The following ACACB variants were observed in gnomAD, a reference collection of about 807,000 sequenced individuals.
ACACB encodes the protein acetyl-CoA carboxylase 2.
A neutral mutation model predicts 278.8 loss-of-function variants in ACACB; 209 were observed. The observed-to-expected ratio is 0.75, with a 90% confidence interval of 0.67 to 0.84. The LOEUF (loss-of-function observed/expected upper bound fraction) is 0.84. ACACB is among the 40% of genes least tolerant of loss of function. The pLI is 0.00. For missense variants in ACACB, 2,850 were observed against 3,269.0 expected (o/e 0.87, Z 3.13); for synonymous variants, 1,174 against 1,285.6 (o/e 0.91, Z 1.86).
chr12:109,206,428 CAAA>C (rs35315851), intron 19 of ACACB, among the ~76,000 whole-genome samples: 2 of 89,774 alleles, frequency 2.2e-5, no homozygotes, highest in African/African-American at 1.0e-4. Flanking sequence ...GCGAGTGTCT[CAAA>C]AAAAAAAAAA....
chr12:109,190,093 A>G (rs2044812539), intron 13 of ACACB, among the ~76,000 whole-genome samples: 2 of 152,134 alleles, frequency 1.3e-5, no homozygotes, highest in South Asian at 4.1e-4. Context: ...CCTGGGCAAC[A>G]AGAGTGAAGC....
chr12:109,211,825 A>G (rs1330764458), intron 21 of ACACB, among the ~76,000 whole-genome samples: 1 of 152,248 alleles, frequency 6.6e-6, no homozygotes, highest in East Asian at 1.9e-4. Flanking sequence ...CTAAAAAATA[A>G]CAAAAGCCAA....
At chr12:109,173,022 A>G (rs1365415989) in intron 6 of ACACB, among the ~76,000 whole-genome samples, 4 of 152,206 alleles carry the variant, frequency 2.6e-5, no homozygotes, top group Non-Finnish European at 5.9e-5. Context: ...TTGTGGGAAC[A>G]TGGATGGAGC....
intron 1 of ACACB, among the ~76,000 whole-genome samples, chr12:109,119,874 G>A (rs1318743345): frequency 2.0e-5 from 3 of 151,832 alleles, no homozygotes; most frequent in Non-Finnish European, 2.9e-5. Context: ...TAGCCTGGGC[G>A]ACAGAGCGAG....
At chr12:109,124,017 G>T (rs1565842124) in intron 1 of ACACB, among the ~76,000 whole-genome samples, 1 of 151,888 alleles carries the variant, frequency 6.6e-6, no homozygotes, top group Non-Finnish European at 1.5e-5. Flanking sequence ...AATTCTCACA[G>T]CTAGATGTCA....
rs758673805 is a variant in ACACB, at chr12:109,245,653, G to C, written c.5206G>C (p.Asp1736His). 6.2e-7 allele frequency: 1 copy of C among 1,613,984 alleles called. No individual in the cohort carries two copies. Among genetic ancestry groups the C allele is most frequent in the Non-Finnish European group, 8.5e-7 (1 of 1,180,000 alleles). Residue 1736 changes from aspartate to histidine, a missense_variant, in exon 38 of 53, where the codon GAC (aspartate) becomes CAC (histidine). By Grantham distance (81) the Asp-to-His change is moderately conservative (BLOSUM62 -1). Around this residue, in one of 3 missense-constraint regions of ACACB, gnomAD observed 2,265 missense variants for 2,561.3 expected, o/e 0.88. Coordinates refer to ENST00000338432, the MANE Select transcript of ACACB (RefSeq NM_001093.4). ...QALFKLWGSP[D>H]KYPKDILTYT... ...TCTCTTTAAACTGTGGGGCTCCCCA[G>C]ACAAGTATCCCAAAGACATCCTGAC...
At chr12:109,196,970 C>A (rs777914287) in intron 16 of ACACB, 38 bp from the exon 17 acceptor site, 1 of 1,515,052 alleles carries the variant, frequency 6.6e-7, no homozygotes, top group Non-Finnish European at 8.8e-7. Flanking sequence ...GGGAGCACAT[C>A]CTGAACCCAG....
intron 1 of ACACB, among the ~76,000 whole-genome samples, chr12:109,136,388 C>T (rs2136005727): frequency 6.6e-6 from 1 of 152,194 alleles, no homozygotes; most frequent in East Asian, 1.9e-4. Flanking sequence ...AACAATAAGT[C>T]TTCCAATCCA....
chr12:109,171,592 T>C, intron 4 of ACACB, among the ~76,000 whole-genome samples: 1 of 150,844 alleles, frequency 6.6e-6, no homozygotes, highest in East Asian at 2.0e-4. Flanking sequence ...TCAGGCCATC[T>C]GCCTGCCTCG....
chr12:109,265,289 G>A lies in ACACB; in HGVS notation c.7113+9G>A. On this transcript the variant is annotated intron_variant, in intron 51 of 52. Transcript: ENST00000338432. Reference sequence around the variant, plus strand: ...CGGAGGGGGCTGTCAAGGTGGGCCTGGGGTGAGAACGAGGCCGGTGAGCAC... The same window carrying A: ...CGGAGGGGGCTGTCAAGGTGGGCCTAGGGTGAGAACGAGGCCGGTGAGCAC... 1 of 1,612,472 alleles carries A rather than the reference G, an allele frequency of 6.2e-7. No homozygotes were observed. Among genetic ancestry groups the A allele is most frequent in the Non-Finnish European group, 8.5e-7 (1 of 1,179,782 alleles).
At chr12:109,263,560 G>C (rs1429657435) in intron 49 of ACACB, 1 of 152,208 alleles carries the variant, frequency 6.6e-6, no homozygotes, top group Non-Finnish European at 1.5e-5. Context: ...GTGTGTGCGT[G>C]TAATTTCTTT....
chr12:109,247,711 A>G lies in ACACB; in HGVS notation c.5669+8A>G. ...GGAAGGAGGAGAGTCCAGGTAAATA[A>G]CTTATCAGGTAGCTCCTTAATTTTG... On this transcript the variant is annotated splice_region_variant and intron_variant, in intron 40 of 52. Coordinates refer to ENST00000338432, the MANE Select transcript of ACACB (RefSeq NM_001093.4). 1 of 1,603,818 alleles carries G rather than the reference A, an allele frequency of 6.2e-7. No homozygotes were observed. Among genetic ancestry groups the G allele is most frequent in the South Asian group, 1.1e-5 (1 of 90,546 alleles).
chr12:109,222,379 G>A (rs1316062383), intron 24 of ACACB, 128 bp from the exon 25 acceptor site: 1 of 768,226 alleles, frequency 1.3e-6, no homozygotes, highest in African/African-American at 1.7e-5. Flanking sequence ...AACAGGCTGT[G>A]CTGGGCCTGT....
chr12:109,188,307 T>C, intron 13 of ACACB, 145 bp downstream of exon 13: 1 of 857,552 alleles, frequency 1.2e-6, no homozygotes, highest in East Asian at 3.0e-5. Flanking sequence ...TCTCAGCCTT[T>C]CTCCTTTTTT....
At position 109,210,531 on chromosome 12, in the gene ACACB, G is replaced by GTATA. The variant is rs1318720786; in HGVS notation, c.3249+1183_3249+1186dup. 1.3e-4 allele frequency among the ~76,000 whole-genome samples: 19 copies of GTATA among 147,450 alleles called. No homozygotes were observed. In the East Asian group the frequency reaches 3.8e-3, roughly 29 times the overall value. On this transcript the variant is annotated intron_variant, in intron 21 of 52. Coordinates refer to ENST00000338432, the MANE Select transcript of ACACB (RefSeq NM_001093.4). ...TATACGCACATACATGTGTATATGT[G>GTATA]TATATATACGTGCATGTATATATAC...
At chr12:109,210,611 T>C (rs2045814244) in intron 21 of ACACB, among the ~76,000 whole-genome samples, 1 of 149,870 alleles carries the variant, frequency 6.7e-6, no homozygotes, top group Non-Finnish European at 1.5e-5. Context: ...ATATATATAA[T>C]ATTTTTTAAG....
chr12:109,255,824 C>T (rs1338363572), intron 44 of ACACB, among the ~76,000 whole-genome samples: 2 of 152,236 alleles, frequency 1.3e-5, no homozygotes, highest in Admixed American at 6.5e-5. Context: ...TGTCCACTCT[C>T]TGCATCTTAG....
upstream of ACACB, among the ~76,000 whole-genome samples, chr12:109,113,628 G>C (rs1301717067): frequency 2.2e-5 from 3 of 136,336 alleles, no homozygotes; most frequent in Non-Finnish European, 4.6e-5. Context: ...TAGTATGCTT[G>C]CATTATTAGA....
rs2047453281 is a variant in ACACB, at chr12:109,264,238, C to T, written c.6794C>T (p.Pro2265Leu). 6.2e-7 allele frequency: 1 copy of T among 1,614,164 alleles called. No individual in the cohort carries two copies. Among genetic ancestry groups the T allele is most frequent in the Non-Finnish European group, 8.5e-7 (1 of 1,180,014 alleles). ...YKKLMEQLGE[P>L]DLSDKDRKDL... ...CCTTTCTGCTCACCTGCAGGGGAAC[C>T]TGATCTCTCCGACAAGGACCGAAAG... is the stretch of plus-strand genomic sequence containing the variant. The change falls in exon 50 of 53, where the codon CCT becomes CTT. Residue 2265 changes from proline (P) to leucine (L), a missense_variant. Physicochemically the swap from Pro to Leu is moderately conservative, Grantham distance 98 (BLOSUM62 -3). Coordinates refer to ENST00000338432, the MANE Select transcript of ACACB (RefSeq NM_001093.4).
Sources: gnomAD v4.1 joint callset for allele counts (sites outside exome capture counted in the v4.1 genomes callset) on GRCh38, gnomAD v4.1.1 for gene constraint, gnomAD v4.1.1 regional missense constraint, MANE v1.5 for transcripts, NCBI Gene and HGNC (gene_info 2026-07-23, HGNC 2026-07-21) for gene names.